ZNF334: variants seen among roughly 807,000 people sequenced by gnomAD.
ZNF334 encodes zinc finger protein 334.
Under a neutral mutation model 12.4 loss-of-function variants are expected in ZNF334, and 14 were observed. The observed-to-expected ratio is 1.13, with a 90% CI of 0.74 to 1.76. The LOEUF (loss-of-function observed/expected upper bound fraction) is 1.76. Among genes scored for constraint, ZNF334 ranks in the 40% most tolerant of loss-of-function variants. The pLI, the probability that ZNF334 is intolerant of heterozygous loss-of-function variation, is 0.00. For synonymous variants in ZNF334, 273 were observed against 269.6 expected (o/e 1.01, Z -0.12); for missense variants, 797 against 804.5 (o/e 0.99, Z 0.11).
chr20:46,509,761 G>C lies in ZNF334; in HGVS notation c.21+2321C>G, dbSNP rs867907642. 63 of 679,562 alleles carry C rather than the reference G, an allele frequency of 9.3e-5. 2 individuals carry two copies. In the Middle Eastern group the frequency reaches 8.3e-3, roughly 90 times the overall value. The allele number at this position is 679,562 out of a possible 1,614,324, so 42.1% of individuals were successfully genotyped here. A position where few individuals can be genotyped will look rare whatever the true frequency, so the allele number is the denominator to read the frequency against. On this transcript the variant is annotated intron_variant, in intron 2 of 4. Transcript: ENST00000692313. ...GTGGTTTCATCCAAGTCTAAAACAGGAGGCAGCCTGGTGTGGGTGGGTGGC... is the reference window on the plus strand; with the variant it reads ...GTGGTTTCATCCAAGTCTAAAACAGCAGGCAGCCTGGTGTGGGTGGGTGGC...
At position 46,512,007 on chromosome 20, in the gene ZNF334, G is replaced by A. The variant is rs1442759093; in HGVS notation, c.21+75C>T. On this transcript the variant is annotated intron_variant, in intron 2 of 4. Coordinates refer to ENST00000692313, the MANE Select transcript of ZNF334 (RefSeq NM_001353824.2). ...TCTGATGCTGAATTTTATACATTTC[G>A]TTTCATCTGCAAACTACTCTAAACC... 9.6e-6 allele frequency: 14 copies of A among 1,451,592 alleles called. No individual in the cohort carries two copies. In the Middle Eastern group the frequency reaches 5.2e-4, roughly 54 times the overall value. The allele number at this position is 1,451,592 out of a possible 1,614,324, so 89.9% of individuals were successfully genotyped here.
the ZNF334 span, among the ~76,000 whole-genome samples, chr20:46,487,006 C>T: frequency 0.41 from 62,218 of 151,690 alleles, 14,656 homozygotes; most frequent in African/African-American, 0.65. Context: ...GAATATATTT[C>T]ATGTTATATA....
chr20:46,488,417 T>TATATATATATATATATATA, the ZNF334 span, among the ~76,000 whole-genome samples: 51 of 98,010 alleles, frequency 5.2e-4, 1 homozygote, highest in African/African-American at 2.6e-3. Context: ...GTAGCTCTTA[T>TATATATATATATATATATA]TTTATATATA....
chr20:46,510,594 C>T (rs536310923), intron 2 of ZNF334, among the ~76,000 whole-genome samples: 15 of 151,638 alleles, frequency 9.9e-5, no homozygotes, highest in Admixed American at 2.0e-4. Context: ...GGCGTGGTGG[C>T]GGGTGCCTGT....
chr20:46,501,268 T>G lies in ZNF334; in HGVS notation c.*28A>C, dbSNP rs748278264. 6 of 1,587,638 alleles carry G rather than the reference T, an allele frequency of 3.8e-6. No individual in the cohort carries two copies. The highest frequency in any genetic ancestry group is 4.5e-5 in the East Asian group (2 of 44,672). ...TGTGTAAGTTATTTGATTTGTTGCTTTGTTGGAATTTATTACTTTGTTGGA... is the reference window on the plus strand; with the variant it reads ...TGTGTAAGTTATTTGATTTGTTGCTGTGTTGGAATTTATTACTTTGTTGGA... On this transcript the variant is annotated 3_prime_UTR_variant, in exon 5 of 5. Transcript: ENST00000692313.
the ZNF334 span, among the ~76,000 whole-genome samples, chr20:46,465,843 T>C: frequency 6.6e-6 from 1 of 151,972 alleles, no homozygotes; most frequent in African/African-American, 2.4e-5. Flanking sequence ...TAGTCCCAGC[T>C]ACTCAGGAAC....
intron 2 of ZNF334, among the ~76,000 whole-genome samples, chr20:46,507,654 G>T (rs2145985615): frequency 6.6e-6 from 1 of 152,290 alleles, no homozygotes; most frequent in African/African-American, 2.4e-5. Context: ...CCTGGGCTTT[G>T]GCCTGCTGTA....
chr20:46,468,658 C>T, the ZNF334 span, among the ~76,000 whole-genome samples: 1 of 152,120 alleles, frequency 6.6e-6, no homozygotes, highest in Non-Finnish European at 1.5e-5. Context: ...GTGGTAATCT[C>T]CAGGTTGTCA....
intron 2 of ZNF334, chr20:46,506,431 G>A: frequency 2.2e-6 from 1 of 456,630 alleles, no homozygotes; most frequent in South Asian, 4.4e-5. Context: ...CTCAAGATCA[G>A]TCTGGGCAAC....
the ZNF334 span, among the ~76,000 whole-genome samples, chr20:46,470,229 G>A: frequency 0.085 from 12,954 of 152,218 alleles, 610 homozygotes; most frequent in South Asian, 0.14. Flanking sequence ...TCCCCTGGCT[G>A]GCTGCCAATT....
chr20:46,495,167 T>C (rs575102918), downstream of ZNF334, among the ~76,000 whole-genome samples: 10 of 152,276 alleles, frequency 6.6e-5, no homozygotes, highest in African/African-American at 2.4e-4. Context: ...GATGCATCTT[T>C]TGCATTTAAT....
chr20:46,503,777 C>A (rs1423518402), intron 4 of ZNF334, among the ~76,000 whole-genome samples: 1 of 152,068 alleles, frequency 6.6e-6, no homozygotes, highest in East Asian at 1.9e-4. Context: ...TACTCCGGAT[C>A]CTGGTGAAGC....
chr20:46,484,859 A>G, the ZNF334 span: 1 of 157,670 alleles, frequency 6.3e-6, no homozygotes, highest in African/African-American at 2.4e-5. Context: ...ATGGTTTAAA[A>G]TGAAGATGGT....
the ZNF334 span, among the ~76,000 whole-genome samples, chr20:46,483,600 G>C: frequency 6.6e-6 from 1 of 152,148 alleles, no homozygotes; most frequent in Non-Finnish European, 1.5e-5. Flanking sequence ...TTCAGTTATT[G>C]CCTCAGTATT....
At chr20:46,506,335 AAC>A in intron 2 of ZNF334, 3 of 648,292 alleles carry the variant, frequency 4.6e-6, no homozygotes, top group Non-Finnish European at 8.4e-6. Context: ...GATGTAAGAA[AAC>A]ACACATGGCC....
At chr20:46,504,396 C>A in intron 3 of ZNF334, 90 bp from the exon 4 acceptor site, 1 of 1,277,522 alleles carries the variant, frequency 7.8e-7, no homozygotes, top group South Asian at 1.3e-5. Context: ...AGAAGCTGTG[C>A]AATGAAGATG....
the ZNF334 span, among the ~76,000 whole-genome samples, chr20:46,473,579 C>A: frequency 7.9e-5 from 12 of 152,314 alleles, no homozygotes. Flanking sequence ...CAATCCCATT[C>A]AAGATCATTT....
the ZNF334 span, chr20:46,465,136 T>G: frequency 9.0e-6 from 2 of 221,240 alleles, no homozygotes; most frequent in African/African-American, 4.7e-5. Context: ...GTTCAGCTGT[T>G]GCTGCAGCTA....
Position 46,502,159 on chromosome 20 carries a change from CA to C in ZNF334, c.1179del (p.Ala394ArgfsTer60). 6.2e-7 allele frequency: 1 copy of C among 1,614,122 alleles called. No homozygotes were observed. The highest frequency in any genetic ancestry group is 8.5e-7 in the Non-Finnish European group (1 of 1,180,022). ...GKTFFCQSALTAHQRIHTGEK... is the reference protein window; with the variant it reads ...GKTFFCQSALXAHQRIHTGEK... ...TCCCCTGTGTGAATTCTCTGATGCG[CA>C]GTAAGGGCTGACTGACAGAAGAAGG... is the stretch of plus-strand genomic sequence containing the variant. On this transcript the variant is annotated frameshift_variant, in exon 5 of 5. Coordinates refer to ENST00000692313, the MANE Select transcript of ZNF334 (RefSeq NM_001353824.2). LOFTEE classifies it low-confidence loss of function (END_TRUNC).
Sources: allele counts gnomAD v4.1 joint callset (sites outside exome capture counted in the v4.1 genomes callset), GRCh38; gene constraint gnomAD v4.1.1; transcripts MANE v1.5; gene names NCBI Gene and HGNC (gene_info 2026-07-23, HGNC 2026-07-21).